Variants in SLC14A2 observed in about 807,000 individuals in gnomAD.
SLC14A2 encodes solute carrier family 14 member 2.
A neutral mutation model predicts 104.6 loss-of-function variants in SLC14A2; 91 were observed. The observed-to-expected ratio is 0.87, with a 90% CI of 0.73 to 1.04. SLC14A2 has a LOEUF of 1.04. Among genes scored for constraint, SLC14A2 ranks in the 50% least tolerant of loss-of-function variants. The pLI is 0.00. For missense variants in SLC14A2, 1,189 were observed against 1,156.0 expected (o/e 1.03, Z -0.41); for synonymous variants, 476 against 466.4 (o/e 1.02, Z -0.27).
upstream of SLC14A2, among the ~76,000 whole-genome samples, chr18:45,211,662 G>A (rs1380911205): frequency 6.6e-6 from 1 of 151,764 alleles, no homozygotes; most frequent in East Asian, 1.9e-4. Flanking sequence ...GTAATCACTA[G>A]TGTTGACTTT....
intron 2 of SLC14A2, among the ~76,000 whole-genome samples, chr18:45,602,658 C>T: frequency 6.6e-6 from 1 of 152,192 alleles, no homozygotes; most frequent in East Asian, 1.9e-4. Flanking sequence ...CAGACCCTTG[C>T]AAGAGATCAG....
intron 1 of SLC14A2, among the ~76,000 whole-genome samples, chr18:45,244,992 G>A (rs1177070112): frequency 2.0e-5 from 3 of 152,128 alleles, no homozygotes; most frequent in African/African-American, 2.4e-5. Context: ...TGATTCTGTC[G>A]GCAGGGCAAT....
At chr18:45,286,638 T>C (rs989661912) in intron 1 of SLC14A2, among the ~76,000 whole-genome samples, 1 of 152,170 alleles carries the variant, frequency 6.6e-6, no homozygotes, top group African/African-American at 2.4e-5. Context: ...TTCCCAATGT[T>C]CCCAAATTCC....
chr18:45,579,878 AAGAG>A (rs1387407111), intron 2 of SLC14A2, among the ~76,000 whole-genome samples: 1 of 152,252 alleles, frequency 6.6e-6, no homozygotes, highest in East Asian at 1.9e-4. Flanking sequence ...GTTCAAAAGA[AAGAG>A]AGGGAGTGTG....
intron 1 of SLC14A2, among the ~76,000 whole-genome samples, chr18:45,323,375 A>G (rs958261071): frequency 2.0e-5 from 3 of 152,198 alleles, no homozygotes; most frequent in African/African-American, 7.2e-5. Context: ...ATCATTCTTT[A>G]GAGTCTTTCT....
intron 1 of SLC14A2, among the ~76,000 whole-genome samples, chr18:45,279,985 C>A (rs1179136387): frequency 6.6e-6 from 1 of 152,172 alleles, no homozygotes; most frequent in African/African-American, 2.4e-5. Flanking sequence ...AGAATCCACA[C>A]CCCCACCCCT....
Position 45,336,531 on chromosome 18 carries a change from T to C in SLC14A2, c.-125+123340T>C, listed in dbSNP as rs1029600190. 2.6e-5 allele frequency among the ~76,000 whole-genome samples: 4 copies of C among 152,118 alleles called. No individual in the cohort carries two copies. The East Asian group carries it at 5.8e-4, about 22-fold the overall frequency. ...ATCAACTGCTCTCTGGTGGTGCACC[T>C]AGTAATGTCTCTCATTTCATCAGTT... On this transcript the variant is annotated intron_variant, in intron 1 of 20. Coordinates refer to the SLC14A2 transcript ENST00000586448.
intron 1 of SLC14A2, among the ~76,000 whole-genome samples, chr18:45,396,739 G>A (rs980316011): frequency 1.3e-5 from 2 of 151,002 alleles, no homozygotes; most frequent in African/African-American, 4.9e-5. Flanking sequence ...GTGTCATGGG[G>A]GTTTGTTGTA....
intron 19 of SLC14A2, among the ~76,000 whole-genome samples, chr18:45,681,007 CAT>C (rs959535804): frequency 6.9e-6 from 1 of 145,310 alleles, no homozygotes; most frequent in African/African-American, 2.8e-5. Flanking sequence ...TGGACACACA[CAT>C]GACTGGCATT....
intron 2 of SLC14A2, among the ~76,000 whole-genome samples, chr18:45,498,089 G>C (rs2043130494): frequency 6.6e-6 from 1 of 152,066 alleles, no homozygotes; most frequent in Non-Finnish European, 1.5e-5. Flanking sequence ...CAACATGGAA[G>C]TCCATTCCTG....
upstream of SLC14A2, chr18:45,614,794 C>CTTTTTTT (rs758644176): frequency 1.9e-5 from 2 of 105,408 alleles, no homozygotes; most frequent in African/African-American, 3.7e-5. Context: ...AACTAACTTG[C>CTTTTTTT]TTTTTTTTTT....
chr18:45,403,776 A>ATGAATGAATGAATGAATGAG (rs1555682873), intron 1 of SLC14A2, among the ~76,000 whole-genome samples: 7,592 of 152,102 alleles, frequency 0.05, 251 homozygotes, highest in African/African-American at 0.088. Flanking sequence ...GAATGAATGA[A>ATGAATGAATGAATGAATGAG]TGAATGAATA....
chr18:45,667,392 G>A (rs77194570), intron 13 of SLC14A2, among the ~76,000 whole-genome samples: 1,603 of 152,228 alleles, frequency 0.011, 25 homozygotes, highest in African/African-American at 0.037. Flanking sequence ...TTTTCGCATT[G>A]GGATTCTAGA....
chr18:45,260,850 G>A (rs767603784), intron 1 of SLC14A2, among the ~76,000 whole-genome samples: 4 of 152,118 alleles, frequency 2.6e-5, no homozygotes, highest in Non-Finnish European at 4.4e-5. Flanking sequence ...AGGGGAGGAA[G>A]GGAGTGGGGA....
At chr18:45,563,111 G>C (rs572333071) in intron 2 of SLC14A2, among the ~76,000 whole-genome samples, 72 of 152,350 alleles carry the variant, frequency 4.7e-4, no homozygotes, top group African/African-American at 1.7e-3. Context: ...CGGTTGGTGG[G>C]AAGGTTTGGG....
the SLC14A2 span, among the ~76,000 whole-genome samples, chr18:45,191,481 G>A: frequency 1.3e-5 from 2 of 152,114 alleles, no homozygotes; most frequent in Admixed American, 1.3e-4. Context: ...AATTGTTTCA[G>A]AATACCTTCA....
At chr18:45,516,461 G>T (rs867231084) in intron 2 of SLC14A2, among the ~76,000 whole-genome samples, 44 of 152,196 alleles carry the variant, frequency 2.9e-4, no homozygotes, top group Non-Finnish European at 6.0e-4. Context: ...ACAGATCTGT[G>T]ATTTTTCAAG....
chr18:45,313,023 ATCTT>A (rs1206273773), intron 1 of SLC14A2, among the ~76,000 whole-genome samples: 3 of 152,188 alleles, frequency 2.0e-5, no homozygotes, highest in East Asian at 3.9e-4. Context: ...GGTGCTCCAG[ATCTT>A]TCTTCTAAGA....
In SLC14A2 at chr18:45,567,055, A is replaced by AGTGTGTGTGTGTGT. The variant is rs3058364; in HGVS notation, c.-34-57545_-34-57532dup. On this transcript the variant is annotated intron_variant, in intron 2 of 20. Coordinates refer to the SLC14A2 transcript ENST00000586448. ...TCTATAGCTGAGGACATGTGCACAT[A>AGTGTGTGTGTGTGT]GTGTGTGTGTGTGTGTGTGTGTGTG... is the stretch of plus-strand genomic sequence containing the variant. Among the ~76,000 whole-genome samples the AGTGTGTGTGTGTGT allele has an allele frequency of 3.6e-3, 508 of 139,888 alleles. 5 individuals are homozygous for AGTGTGTGTGTGTGT. The highest frequency in any genetic ancestry group is 0.027 in the East Asian group (120 of 4,468). The allele number at this position is 139,888 out of a possible 152,430, so 91.8% of individuals were successfully genotyped here.
Sources: allele counts gnomAD v4.1 joint callset (sites outside exome capture counted in the v4.1 genomes callset), GRCh38; gene constraint gnomAD v4.1.1; transcripts MANE v1.5; gene names NCBI Gene and HGNC (gene_info 2026-07-23, HGNC 2026-07-21).